Variants in FBRSL1 observed in about 807,000 individuals in gnomAD.
The protein encoded by FBRSL1 is fibrosin-1-like protein.
FBRSL1 carries 51 observed loss-of-function variants against 89.6 expected under a neutral mutation model. The ratio of observed to expected loss-of-function variants is 0.57; its 90% CI spans 0.45 to 0.72. The LOEUF is 0.72. FBRSL1 is among the 30% of genes least tolerant of loss of function. The pLI, the probability that FBRSL1 is intolerant of heterozygous loss-of-function variation, is 0.00. For synonymous variants in FBRSL1, 779 were observed against 681.1 expected (o/e 1.14, Z -2.24); for missense variants, 1,618 against 1,451.8 (o/e 1.11, Z -1.86).
intron 5 of FBRSL1, among the ~76,000 whole-genome samples, chr12:132,549,909 G>A (rs75680255): frequency 0.012 from 1,774 of 152,348 alleles, 45 homozygotes; most frequent in East Asian, 0.12. Context: ...TCTAGAATGG[G>A]GTCAGGTGGA....
chr12:132,582,719 G>A (rs2040861493), intron 18 of FBRSL1, among the ~76,000 whole-genome samples: 1 of 152,148 alleles, frequency 6.6e-6, no homozygotes, highest in Admixed American at 6.5e-5. Flanking sequence ...ACAGGGAGGG[G>A]CCCGTGGGGA....
intron 4 of FBRSL1, among the ~76,000 whole-genome samples, chr12:132,530,275 C>T (rs1379344761): frequency 1.3e-5 from 2 of 152,214 alleles, no homozygotes; most frequent in African/African-American, 2.4e-5. Context: ...CACCTGGCTC[C>T]GGCTGCTGGG....
intron 1 of FBRSL1, among the ~76,000 whole-genome samples, chr12:132,494,553 C>T (rs1203553127): frequency 6.6e-6 from 1 of 152,238 alleles, no homozygotes; most frequent in Non-Finnish European, 1.5e-5. Flanking sequence ...CTCTGGGCTG[C>T]GCCTGGGCCA....
Position 132,567,502 on chromosome 12 carries a change from C to T in FBRSL1, c.667C>T (p.Leu223Phe), listed in dbSNP as rs1345339829. ...CCAGGCATCCGTGGGCTCTGAGAAG[C>T]TCTTTGCGCCGGGAACCGATAAAGG... Reference protein sequence around the residue: ...DDKASVGSEKLFAPGTDKGPA... With the variant: ...DDKASVGSEKFFAPGTDKGPA... The change falls in exon 6 of 19, where the codon CTC (leucine) becomes TTC (phenylalanine). Residue 223 changes from leucine to phenylalanine, a missense_variant. Physicochemically the swap from Leu to Phe is conservative, Grantham distance 22. Coordinates refer to ENST00000680143, the MANE Select transcript of FBRSL1 (RefSeq NM_001367871.1). The T allele has an allele frequency of 6.4e-7, 1 of 1,551,118 alleles. No individual in the cohort carries two copies. Among genetic ancestry groups the T allele is most frequent in the East Asian group, 2.4e-5 (1 of 40,910 alleles).
chr12:132,571,475 C>T (rs1479843628), intron 9 of FBRSL1: 1 of 1,549,714 alleles, frequency 6.5e-7, no homozygotes, highest in Non-Finnish European at 8.7e-7. Flanking sequence ...CACACATTCG[C>T]CCCCTTCCCC....
intron 2 of FBRSL1, chr12:132,510,866 G>A: frequency 1.2e-5 from 12 of 1,034,926 alleles, no homozygotes; most frequent in Non-Finnish European, 1.4e-5. Context: ...TGCCAATACT[G>A]TCCTTGCATC....
At chr12:132,509,216 C>T (rs1338277479) in intron 2 of FBRSL1, 24 of 1,250,928 alleles carry the variant, frequency 1.9e-5, no homozygotes, top group Admixed American at 4.2e-5. Flanking sequence ...GGGACCAGAA[C>T]GGCCCGGCCC....
At position 132,583,302 on chromosome 12, in the gene FBRSL1, C is replaced by A; in HGVS notation, c.2533C>A (p.Leu845Met). ...GCAGCTCGGCCTGGGCCGCGAGCGC[C>A]TGGGCGCGCCGGGCTTCGCGTGGGA... ...PLQLGLGRERLGAPGFAWEPF... is the reference protein window; with the variant it reads ...PLQLGLGRERMGAPGFAWEPF... The change falls in exon 19 of 19, where the codon CTG becomes ATG. Residue 845 changes from leucine to methionine, a missense_variant. Coordinates refer to ENST00000680143, the MANE Select transcript of FBRSL1 (RefSeq NM_001367871.1). 1 of 1,188,226 alleles carries A rather than the reference C, an allele frequency of 8.4e-7. No individual in the cohort carries two copies. Among genetic ancestry groups the A allele is most frequent in the Admixed American group, 4.8e-5 (1 of 20,984 alleles). 73.6% of individuals were successfully genotyped at this position (1,188,226 alleles called of 1,614,324 possible).
chr12:132,555,508 G>A (rs1262446966), intron 5 of FBRSL1, among the ~76,000 whole-genome samples: 2 of 151,024 alleles, frequency 1.3e-5, no homozygotes, highest in Non-Finnish European at 3.0e-5. Context: ...TGGCCTCCAC[G>A]GTAGCCGCCC....
chr12:132,501,794 G>A (rs537187906), intron 1 of FBRSL1, among the ~76,000 whole-genome samples: 75 of 152,238 alleles, frequency 4.9e-4, no homozygotes, highest in African/African-American at 1.7e-3. Flanking sequence ...CATGCAGGGC[G>A]GCTGAGCAGG....
rs1196327461 is a variant in FBRSL1 at position 132,507,859 on chromosome 12, C to T, written c.292-294C>T. Among the ~76,000 whole-genome samples the T allele has an allele frequency of 2.0e-5, 3 of 152,120 alleles. No individual in the cohort carries two copies. The East Asian group carries it at 5.8e-4, about 29-fold the overall frequency. ...AGGGGCAGTCCTGGGCAGCCCTGGG[C>T]TGGCCTCCTGTGAAGCTTACTGGAG... On this transcript the variant is annotated intron_variant, in intron 1 of 18. Coordinates refer to ENST00000680143, the MANE Select transcript of FBRSL1 (RefSeq NM_001367871.1).
intron 4 of FBRSL1, among the ~76,000 whole-genome samples, chr12:132,535,811 G>A (rs967902853): frequency 1.4e-4 from 11 of 76,328 alleles, no homozygotes; most frequent in Non-Finnish European, 2.7e-4. Context: ...GAGTGCACGT[G>A]TGTCCATGAT....
In FBRSL1 at chr12:132,583,004, G is replaced by C; in HGVS notation, c.2235G>C (p.Arg745=). 1 of 1,455,044 alleles carries C rather than the reference G, an allele frequency of 6.9e-7. No individual in the cohort carries two copies. The allele number at this position is 1,455,044 out of a possible 1,614,324, so 90.1% of individuals were successfully genotyped here. ...DLLEKTRLLS[R]ASPATPAGHP... ...TGGAGAAGACGCGCCTGCTGAGCCG[G>C]GCCTCGCCCGCCACCCCCGCTGGCC... The change falls in exon 19 of 19, where the codon CGG becomes CGC. Residue 745 remains arginine, a synonymous_variant. Transcript: ENST00000680143.
At chr12:132,580,906 A>G (rs991789472) in intron 15 of FBRSL1, 1 of 985,336 alleles carries the variant, frequency 1.0e-6, no homozygotes. Context: ...TTGCTCTCCA[A>G]GGGTTGTTGG....
chr12:132,528,091 C>A, intron 4 of FBRSL1, 103 bp downstream of exon 4: 1 of 1,028,576 alleles, frequency 9.7e-7, no homozygotes, highest in Non-Finnish European at 1.5e-6. Context: ...TCACCCCAGT[C>A]CCGTGCCCGC....
chr12:132,503,651 C>G (rs910427262), intron 1 of FBRSL1, among the ~76,000 whole-genome samples: 2 of 152,204 alleles, frequency 1.3e-5, no homozygotes, highest in African/African-American at 4.8e-5. Context: ...GCTTTTGACC[C>G]AAGGCAGAGA....
chr12:132,537,169 G>C (rs137862899), intron 4 of FBRSL1, among the ~76,000 whole-genome samples: 3 of 152,214 alleles, frequency 2.0e-5, no homozygotes, highest in African/African-American at 4.8e-5. Flanking sequence ...CCGCCCTGTC[G>C]TGTGGTGGGT....
chr12:132,574,259 A>G (rs1415420264), intron 12 of FBRSL1, 60 bp from the exon 13 acceptor site: 60 of 1,465,902 alleles, frequency 4.1e-5, no homozygotes, highest in Non-Finnish European at 5.2e-5. Context: ...TGTCCCCTGC[A>G]CCCCCAGGAC....
At chr12:132,542,900 A>G (rs1019706923) in intron 4 of FBRSL1, among the ~76,000 whole-genome samples, 2 of 152,248 alleles carry the variant, frequency 1.3e-5, no homozygotes, top group Non-Finnish European at 2.9e-5. Flanking sequence ...TTTGCTGCTT[A>G]ATAGCCGTGC....
Sources: gnomAD v4.1 joint callset for allele counts (sites outside exome capture counted in the v4.1 genomes callset) on GRCh38, gnomAD v4.1.1 for gene constraint, MANE v1.5 for transcripts, NCBI Gene and HGNC (gene_info 2026-07-23, HGNC 2026-07-21) for gene names.